The following CRYL1 variants were observed in gnomAD, a reference collection of about 807,000 sequenced individuals.
CRYL1 encodes the protein crystallin lambda 1.
A neutral mutation model predicts 36.6 loss-of-function variants in CRYL1; 29 were observed. The observed-to-expected ratio is 0.79, with a 90% CI of 0.59 to 1.08. The LOEUF (loss-of-function observed/expected upper bound fraction) is 1.08, where lower values mean the gene tolerates loss of function less well. CRYL1 is among the 50% of genes least tolerant of loss of function. The pLI is 0.00. For missense variants in CRYL1, 411 were observed against 407.9 expected (o/e 1.01, Z -0.06); for synonymous variants, 152 against 151.5 (o/e 1.00, Z -0.02).
intron 3 of CRYL1, among the ~76,000 whole-genome samples, chr13:20,458,400 T>G (rs573122877): frequency 6.0e-4 from 92 of 152,308 alleles, no homozygotes; most frequent in African/African-American, 2.1e-3. Flanking sequence ...GCTTGACTAA[T>G]TCCTTTCTGG....
At chr13:20,406,056 G>T (rs949963693) in intron 6 of CRYL1, 1 of 152,200 alleles carries the variant, frequency 6.6e-6, no homozygotes, top group Non-Finnish European at 1.5e-5. Flanking sequence ...ACATAGGCTG[G>T]GCTACTGCTG....
rs57209647 is a variant in CRYL1, at chr13:20,466,682, C to CTGTGTGTGTGTGTGTGTGTGTGTG, written c.276+22664_276+22687dup. The stretch of plus-strand genomic sequence containing the variant: ...AACTGGTATATTACTTTGGAAAACT[C>CTGTGTGTGTGTGTGTGTGTGTGTG]TGTGTGTGTGTGTGTGTGTGTGTGT... On this transcript the variant is annotated intron_variant, in intron 3 of 7. Coordinates refer to ENST00000298248, the MANE Select transcript of CRYL1 (RefSeq NM_015974.3). Among the ~76,000 whole-genome samples, 126 of 129,572 alleles carry CTGTGTGTGTGTGTGTGTGTGTGTG rather than the reference C, an allele frequency of 9.7e-4. 2 individuals are homozygous for CTGTGTGTGTGTGTGTGTGTGTGTG. Among genetic ancestry groups the CTGTGTGTGTGTGTGTGTGTGTGTG allele is most frequent in the African/African-American group, 3.2e-3 (123 of 38,798 alleles). 85.0% of individuals were successfully genotyped at this position (129,572 alleles called of 152,430 possible).
chr13:20,432,293 T>C lies in CRYL1; in HGVS notation c.442A>G (p.Asn148Asp), dbSNP rs1433755257. 2.5e-6 allele frequency: 4 copies of C among 1,609,460 alleles called. No individual in the cohort carries two copies. The African/African-American group carries it at 5.4e-5, about 22-fold the overall frequency. Reference protein sequence around the residue: ...VKQCIVAHPVNPPYYIPLVEL... With the variant: ...VKQCIVAHPVDPPYYIPLVEL... ...ACCAGCGGGATGTAGTATGGCGGATTCACCTTAGGAGAGAGAGAGAAGTGG... is the reference window on the plus strand; with the variant it reads ...ACCAGCGGGATGTAGTATGGCGGATCCACCTTAGGAGAGAGAGAGAAGTGG... The change falls in exon 5 of 8, where the codon AAT (asparagine) becomes GAT (aspartate). Residue 148 changes from asparagine to aspartate, a missense_variant. Physicochemically the swap from Asn to Asp is conservative, Grantham distance 23. Coordinates refer to ENST00000298248, the MANE Select transcript of CRYL1 (RefSeq NM_015974.3).
intron 5 of CRYL1, 53 bp downstream of exon 5, chr13:20,432,049 G>A (rs2032072914): frequency 6.2e-7 from 1 of 1,613,130 alleles, no homozygotes; most frequent in Middle Eastern, 1.6e-4. Context: ...GAGAGGGAGG[G>A]AAGAAGGAGG....
intron 5 of CRYL1, among the ~76,000 whole-genome samples, chr13:20,429,130 C>A (rs2031997821): frequency 6.6e-6 from 1 of 152,194 alleles, no homozygotes; most frequent in Non-Finnish European, 1.5e-5. Flanking sequence ...CACATGGAAC[C>A]CACACCAGGC....
In CRYL1 at chr13:20,430,785, C is replaced by T. The variant is rs1045535557; in HGVS notation, c.633+1317G>A. 2.8e-5 allele frequency: 28 copies of T among 985,280 alleles called. No homozygotes were observed. In the African/African-American group the frequency reaches 4.2e-4, roughly 15 times the overall value. The allele number at this position is 985,280 out of a possible 1,614,324, so 61.0% of individuals were successfully genotyped here. A position where few individuals can be genotyped will look rare whatever the true frequency, so the allele number is the denominator to read the frequency against. On this transcript the variant is annotated intron_variant, in intron 5 of 7. Transcript: ENST00000298248. ...CTGTAAAACCCCACAAGGTTTAATT[C>T]AACAAGTGAACATGGGCAAGGAGTC...
intron 3 of CRYL1, among the ~76,000 whole-genome samples, chr13:20,472,341 G>A (rs2033077756): frequency 6.6e-6 from 1 of 152,118 alleles, no homozygotes; most frequent in South Asian, 2.1e-4. Context: ...TACATGTTCA[G>A]CACAGACACA....
chr13:20,414,685 A>G (rs2031612275), intron 5 of CRYL1, among the ~76,000 whole-genome samples: 1 of 152,210 alleles, frequency 6.6e-6, no homozygotes, highest in African/African-American at 2.4e-5. Context: ...TAAATTGCAA[A>G]GCAAGAGGCA....
chr13:20,513,936 G>T (rs532221650), intron 1 of CRYL1, among the ~76,000 whole-genome samples: 6 of 147,360 alleles, frequency 4.1e-5, no homozygotes, highest in Non-Finnish European at 7.4e-5. Context: ...AAAACGCATC[G>T]ATGGGGCATG....
intron 1 of CRYL1, among the ~76,000 whole-genome samples, chr13:20,517,452 G>C (rs964771746): frequency 6.6e-6 from 1 of 151,928 alleles, no homozygotes; most frequent in African/African-American, 2.4e-5. Flanking sequence ...AAAATTAGCT[G>C]GGAGTGGTGG....
At chr13:20,464,335 A>AG (rs1478907980) in intron 3 of CRYL1, among the ~76,000 whole-genome samples, 6 of 152,224 alleles carry the variant, frequency 3.9e-5, no homozygotes, top group Non-Finnish European at 7.3e-5. Context: ...CAGAGGTTGC[A>AG]GTGAGCCGAG....
chr13:20,439,518 A>AAAAAAAAAAAAAAAAAAAAAAAAAC, intron 4 of CRYL1, 75 bp downstream of exon 4: 1 of 722,142 alleles, frequency 1.4e-6, no homozygotes, highest in Non-Finnish European at 2.0e-6. Context: ...CCCCCGCAAA[A>AAAAAAAAAAAAAAAAAAAAAAAAAC]AAAAAAAAAA....
intron 1 of CRYL1, 54 bp from the exon 2 acceptor site, chr13:20,512,604 T>C: frequency 2.3e-6 from 3 of 1,331,968 alleles, no homozygotes; most frequent in Non-Finnish European, 3.2e-6. Context: ...GAATGGCTTT[T>C]CATTCCTAAC....
chr13:20,443,430 G>T (rs2032389256), intron 3 of CRYL1, among the ~76,000 whole-genome samples: 1 of 152,008 alleles, frequency 6.6e-6, no homozygotes. Flanking sequence ...GTCTCACTCT[G>T]TTGCCCAGGC....
intron 2 of CRYL1, among the ~76,000 whole-genome samples, chr13:20,493,379 G>T (rs1397468987): frequency 1.3e-5 from 2 of 152,218 alleles, no homozygotes; most frequent in African/African-American, 4.8e-5. Context: ...GCAGACCCAG[G>T]CCAGGCGCGG....
At chr13:20,483,089 A>T (rs1223902821) in intron 3 of CRYL1, among the ~76,000 whole-genome samples, 1 of 152,132 alleles carries the variant, frequency 6.6e-6, no homozygotes, top group Non-Finnish European at 1.5e-5. Flanking sequence ...AATGAGTACA[A>T]AATACAGTTC....
At chr13:20,519,961 C>A (rs2034065798) in intron 1 of CRYL1, among the ~76,000 whole-genome samples, 1 of 152,150 alleles carries the variant, frequency 6.6e-6, no homozygotes, top group African/African-American at 2.4e-5. Flanking sequence ...CAGTCCATAT[C>A]TTTTAGATAC....
At chr13:20,487,563 T>C (rs2033424950) in intron 3 of CRYL1, among the ~76,000 whole-genome samples, 1 of 152,196 alleles carries the variant, frequency 6.6e-6, no homozygotes, top group Non-Finnish European at 1.5e-5. Context: ...AATATTATAA[T>C]AATAGATCAC....
intron 5 of CRYL1, among the ~76,000 whole-genome samples, chr13:20,420,704 TGTGTGTGTGTGTGTGTGTGTGTGTG>T (rs2031785155): frequency 9.1e-6 from 1 of 109,486 alleles, no homozygotes; most frequent in African/African-American, 3.4e-5. Flanking sequence ...ATAGAGGTTG[TGTGTGTGTGTGTGTGTGTGTGTGTG>T]TGTGTGTGTG....
Sources: gnomAD v4.1 joint callset for allele counts (sites outside exome capture counted in the v4.1 genomes callset) on GRCh38, gnomAD v4.1.1 for gene constraint, MANE v1.5 for transcripts, NCBI Gene and HGNC (gene_info 2026-07-23, HGNC 2026-07-21) for gene names.